The following SLC26A7 variants were observed in gnomAD, a reference collection of about 807,000 sequenced individuals.
SLC26A7 encodes the protein anion exchange transporter.
Under a neutral mutation model 82.5 loss-of-function variants are expected in SLC26A7, and 59 were observed. The ratio of observed to expected loss-of-function variants is 0.72; its 90% CI spans 0.58 to 0.89. SLC26A7 has a LOEUF of 0.89. Ranked by LOEUF, SLC26A7 falls within the 40% of genes least tolerant of loss-of-function variation. SLC26A7 has a pLI of 0.00. For synonymous variants in SLC26A7, 271 were observed against 274.3 expected (o/e 0.99, Z 0.12); for missense variants, 820 against 793.0 (o/e 1.03, Z -0.41).
intron 15 of SLC26A7, among the ~76,000 whole-genome samples, chr8:91,372,839 G>A (rs1033929165): frequency 6.6e-6 from 1 of 151,858 alleles, no homozygotes; most frequent in Non-Finnish European, 1.5e-5. Context: ...TAATGACATG[G>A]ATTCTTCATT....
intron 4 of SLC26A7, among the ~76,000 whole-genome samples, chr8:91,301,800 T>C (rs949289182): frequency 6.6e-6 from 1 of 150,796 alleles, no homozygotes; most frequent in African/African-American, 2.4e-5. Context: ...AATTTACTTG[T>C]TATTTTTTTT....
intron 2 of SLC26A7, among the ~76,000 whole-genome samples, chr8:91,222,333 T>C (rs1222192171): frequency 6.6e-6 from 1 of 152,134 alleles, no homozygotes; most frequent in African/African-American, 2.4e-5. Flanking sequence ...CTTGACTTCC[T>C]CTCTTCCTAT....
upstream of SLC26A7, among the ~76,000 whole-genome samples, chr8:91,246,606 A>G (rs1810547430): frequency 6.6e-6 from 1 of 151,962 alleles, no homozygotes; most frequent in Non-Finnish European, 1.5e-5. Flanking sequence ...AGGCTGAAGC[A>G]GGAGAATCGC....
chr8:91,209,778 A>G (rs1563627253), intron 1 of SLC26A7, among the ~76,000 whole-genome samples: 1 of 152,238 alleles, frequency 6.6e-6, no homozygotes, highest in Non-Finnish European at 1.5e-5. Context: ...AACCTTATCT[A>G]TTCCATCATG....
chr8:91,381,232 G>A (rs1814662314), intron 15 of SLC26A7, among the ~76,000 whole-genome samples: 1 of 152,004 alleles, frequency 6.6e-6, no homozygotes, highest in East Asian at 1.9e-4. Flanking sequence ...ACACCCATTA[G>A]CAGTACAATG....
At chr8:91,340,806 G>C in intron 8 of SLC26A7, 2 of 461,060 alleles carry the variant, frequency 4.3e-6, no homozygotes, top group Non-Finnish European at 7.9e-6. Context: ...TTTTAGGAGA[G>C]AATCCAAACA....
chr8:91,258,493 TA>T (rs1810869484), intron 2 of SLC26A7, among the ~76,000 whole-genome samples: 2 of 152,050 alleles, frequency 1.3e-5, no homozygotes, highest in South Asian at 2.1e-4. Flanking sequence ...CCAAGTTCTG[TA>T]AATTCTTCCC....
intron 2 of SLC26A7, among the ~76,000 whole-genome samples, chr8:91,263,627 G>T (rs1267384537): frequency 6.6e-6 from 1 of 151,984 alleles, no homozygotes; most frequent in African/African-American, 2.4e-5. Context: ...GCTTTGCCTG[G>T]AATATTCTCT....
chr8:91,364,657 T>C (rs1435367741), intron 13 of SLC26A7, among the ~76,000 whole-genome samples: 1 of 152,196 alleles, frequency 6.6e-6, no homozygotes, highest in Non-Finnish European at 1.5e-5. Context: ...CTCCTTAGCT[T>C]TGAGACTGAA....
At chr8:91,231,433 G>C (rs73305618) in intron 2 of SLC26A7, among the ~76,000 whole-genome samples, 5,008 of 152,226 alleles carry the variant, frequency 0.033, 269 homozygotes, top group African/African-American at 0.11. Context: ...TTGTAATGGC[G>C]AGAAGGCCAA....
At chr8:91,230,675 A>G (rs1810298928) in intron 2 of SLC26A7, among the ~76,000 whole-genome samples, 2 of 152,232 alleles carry the variant, frequency 1.3e-5, no homozygotes, top group African/African-American at 4.8e-5. Context: ...AATTTATGAA[A>G]AGCACATAGC....
At chr8:91,374,107 C>G (rs1345475040) in intron 15 of SLC26A7, among the ~76,000 whole-genome samples, 2 of 151,760 alleles carry the variant, frequency 1.3e-5, no homozygotes, top group Non-Finnish European at 2.9e-5. Context: ...TTATTTGAAT[C>G]TTCTCTCTTT....
intron 4 of SLC26A7, among the ~76,000 whole-genome samples, chr8:91,302,675 A>G (rs999723415): frequency 2.0e-5 from 3 of 152,098 alleles, no homozygotes; most frequent in African/African-American, 7.2e-5. Flanking sequence ...AAATATCTGT[A>G]ATTTCACAAA....
intron 4 of SLC26A7, among the ~76,000 whole-genome samples, chr8:91,306,715 T>A (rs555015999): frequency 8.3e-4 from 92 of 110,184 alleles, no homozygotes; most frequent in African/African-American, 3.1e-3. Context: ...GATTTCCTTA[T>A]TTTTTTTTTT....
intron 9 of SLC26A7, among the ~76,000 whole-genome samples, chr8:91,348,802 G>A (rs1397900301): frequency 2.0e-5 from 3 of 152,040 alleles, no homozygotes; most frequent in Admixed American, 1.3e-4. Context: ...GTAGGTCAGA[G>A]AAAGGCAAGA....
chr8:91,375,408 C>A (rs1336591841), intron 15 of SLC26A7, among the ~76,000 whole-genome samples: 2 of 152,056 alleles, frequency 1.3e-5, no homozygotes, highest in African/African-American at 4.8e-5. Context: ...CTCTTTTGAA[C>A]ATTTCTTGTA....
At chr8:91,294,556 A>T (rs555672442) in intron 3 of SLC26A7, among the ~76,000 whole-genome samples, 1 of 152,220 alleles carries the variant, frequency 6.6e-6, no homozygotes, top group East Asian at 1.9e-4. Flanking sequence ...TTTTCATGAA[A>T]TCTCACTTAT....
At chr8:91,292,334 C>G (rs1811895651) in intron 3 of SLC26A7, among the ~76,000 whole-genome samples, 1 of 151,404 alleles carries the variant, frequency 6.6e-6, no homozygotes, top group African/African-American at 2.4e-5. Context: ...AGATAATTTT[C>G]CCTTATTTTG....
Position 91,395,229 on chromosome 8 carries a change from A to G in SLC26A7, c.*132A>G, listed in dbSNP as rs1480385526. 4 of 1,496,478 alleles carry G rather than the reference A, an allele frequency of 2.7e-6. No individual in the cohort carries two copies. The highest frequency in any genetic ancestry group is 3.6e-6 in the Non-Finnish European group (4 of 1,124,900). 92.7% of individuals were successfully genotyped at this position (1,496,478 alleles called of 1,614,324 possible). On this transcript the variant is annotated 3_prime_UTR_variant, in exon 19 of 19. Coordinates refer to ENST00000276609, the MANE Select transcript of SLC26A7 (RefSeq NM_052832.4). ...TGCTACAATAAGTACGATGTGACTT[A>G]GTAACTGCATAGCAGTTGGAAAGAA...
Sources: gnomAD v4.1 joint callset for allele counts (sites outside exome capture counted in the v4.1 genomes callset) on GRCh38, gnomAD v4.1.1 for gene constraint, MANE v1.5 for transcripts, NCBI Gene and HGNC (gene_info 2026-07-23, HGNC 2026-07-21) for gene names.